The following HPSE2 variants were observed in gnomAD, a reference collection of about 807,000 sequenced individuals.
HPSE2 encodes the protein inactive heparanase-2.
HPSE2 carries 38 observed loss-of-function variants against 60.5 expected under a neutral mutation model. The observed-to-expected ratio is 0.63, with a 90% CI of 0.48 to 0.82. The LOEUF (loss-of-function observed/expected upper bound fraction) is 0.82, where lower values mean the gene tolerates loss of function less well. Among genes scored for constraint, HPSE2 ranks in the 40% least tolerant of loss-of-function variants. The probability of loss-of-function intolerance (pLI) is 0.00; values close to 1 mark genes in which losing one functional copy is unlikely to be tolerated. For missense variants in HPSE2, 713 were observed against 740.4 expected (o/e 0.96, Z 0.43); for synonymous variants, 295 against 293.2 (o/e 1.01, Z -0.06).
chr10:98,679,862 T>G (rs924031609), intron 6 of HPSE2, among the ~76,000 whole-genome samples: 3 of 152,106 alleles, frequency 2.0e-5, no homozygotes, highest in Non-Finnish European at 4.4e-5. Flanking sequence ...GCTAATTTTT[T>G]TTTTATTGTT....
intron 3 of HPSE2, among the ~76,000 whole-genome samples, chr10:99,032,908 C>A (rs971217629): frequency 6.6e-5 from 10 of 152,186 alleles, no homozygotes; most frequent in African/African-American, 2.4e-4. Flanking sequence ...TTTTAAGGAT[C>A]CTTGTGATTA....
chr10:98,486,431 T>C (rs1378286278), intron 10 of HPSE2, among the ~76,000 whole-genome samples: 1 of 152,124 alleles, frequency 6.6e-6, no homozygotes, highest in Admixed American at 6.5e-5. Context: ...GTCTCACTCA[T>C]GGGTGAGATT....
chr10:99,215,669 T>G (rs1351236044), intron 2 of HPSE2, among the ~76,000 whole-genome samples: 1 of 152,224 alleles, frequency 6.6e-6, no homozygotes, highest in Non-Finnish European at 1.5e-5. Context: ...TGTTGTATGA[T>G]TCCCATCATA....
In HPSE2 at chr10:98,818,176, C is replaced by T. The variant is rs116466609; in HGVS notation, c.611-74120G>A. Among the ~76,000 whole-genome samples the T allele has an allele frequency of 2.4e-3, 361 of 152,254 alleles. 1 individual carries two copies. Among genetic ancestry groups the T allele is most frequent in the African/African-American group, 8.0e-3 (334 of 41,528 alleles). Reference sequence around the variant, plus strand: ...TCAATGTTTAGCTGTACATGTATGCCCATCAGAGAACATCAGCACAATGTT... The same window carrying T: ...TCAATGTTTAGCTGTACATGTATGCTCATCAGAGAACATCAGCACAATGTT... On this transcript the variant is annotated intron_variant, in intron 3 of 11. Coordinates refer to ENST00000370552, the MANE Select transcript of HPSE2 (RefSeq NM_021828.5).
intron 5 of HPSE2, among the ~76,000 whole-genome samples, chr10:98,716,685 T>C (rs1388658816): frequency 6.6e-6 from 1 of 152,086 alleles, no homozygotes; most frequent in East Asian, 1.9e-4. Flanking sequence ...GACTCCTTGA[T>C]CTCTAGGCTG....
At chr10:98,745,423 A>G (rs1456663868) in intron 3 of HPSE2, among the ~76,000 whole-genome samples, 1 of 152,096 alleles carries the variant, frequency 6.6e-6, no homozygotes, top group Non-Finnish European at 1.5e-5. Context: ...ATCTTCCCCC[A>G]GTCACTCTCA....
intron 3 of HPSE2, among the ~76,000 whole-genome samples, chr10:98,815,598 A>G (rs1951268195): frequency 6.6e-6 from 1 of 152,200 alleles, no homozygotes; most frequent in African/African-American, 2.4e-5. Flanking sequence ...ATGCAACCTA[A>G]GAGTAAGAAT....
intron 3 of HPSE2, among the ~76,000 whole-genome samples, chr10:98,798,279 G>A (rs1097708): frequency 0.12 from 17,565 of 152,018 alleles, 2,559 homozygotes; most frequent in African/African-American, 0.34. Flanking sequence ...AGACAAACTA[G>A]GGGTGAAGAA....
chr10:99,302,999 A>T, the HPSE2 span, among the ~76,000 whole-genome samples: 1 of 152,032 alleles, frequency 6.6e-6, no homozygotes, highest in Admixed American at 6.6e-5. Context: ...AGGCATTAAA[A>T]GTGTCCAGAT....
intron 2 of HPSE2, among the ~76,000 whole-genome samples, chr10:99,154,903 G>A (rs868662985): frequency 4.6e-5 from 7 of 152,010 alleles, no homozygotes; most frequent in African/African-American, 1.7e-4. Flanking sequence ...AAGGGATGGA[G>A]GAAGATCTAC....
chr10:99,299,952 C>A, the HPSE2 span, among the ~76,000 whole-genome samples: 1 of 151,430 alleles, frequency 6.6e-6, no homozygotes, highest in Non-Finnish European at 1.5e-5. Context: ...AACAATGGGA[C>A]CCCAAACCTC....
chr10:99,191,183 C>T (rs1848207874), intron 2 of HPSE2, among the ~76,000 whole-genome samples: 1 of 152,042 alleles, frequency 6.6e-6, no homozygotes, highest in Non-Finnish European at 1.5e-5. Flanking sequence ...TCTGGACCTA[C>T]CTGGGGCTGG....
chr10:98,719,046 T>C (rs1488893574), intron 5 of HPSE2, among the ~76,000 whole-genome samples: 2 of 152,228 alleles, frequency 1.3e-5, no homozygotes, highest in East Asian at 3.8e-4. Flanking sequence ...GACATTGGTA[T>C]AGTTTCATAA....
chr10:98,730,738 A>C (rs891517459), intron 4 of HPSE2, among the ~76,000 whole-genome samples: 1 of 152,174 alleles, frequency 6.6e-6, no homozygotes, highest in Non-Finnish European at 1.5e-5. Flanking sequence ...AAAATGCAGA[A>C]ATTATTAAAA....
At chr10:98,648,145 C>T (rs1946823707) in intron 6 of HPSE2, among the ~76,000 whole-genome samples, 2 of 152,166 alleles carry the variant, frequency 1.3e-5, no homozygotes, top group Non-Finnish European at 2.9e-5. Flanking sequence ...TTCTTGCTCT[C>T]CTAACTCTTT....
intron 9 of HPSE2, among the ~76,000 whole-genome samples, chr10:98,520,535 G>A (rs549690796): frequency 6.6e-6 from 1 of 152,290 alleles, no homozygotes; most frequent in African/African-American, 2.4e-5. Flanking sequence ...GCTCTCCAAA[G>A]TCCAAACTCA....
intron 3 of HPSE2, among the ~76,000 whole-genome samples, chr10:98,980,804 ATAT>A (rs1956188948): frequency 6.6e-6 from 1 of 152,198 alleles, no homozygotes; most frequent in African/African-American, 2.4e-5. Context: ...ATCAAATCTA[ATAT>A]TATTGCATAG....
intron 2 of HPSE2, 66 bp from the exon 3 acceptor site, chr10:99,144,465 A>G: frequency 2.5e-6 from 4 of 1,575,624 alleles, no homozygotes; most frequent in Non-Finnish European, 3.5e-6. Context: ...ATACATCATC[A>G]AAGTCTTGTT....
intron 3 of HPSE2, among the ~76,000 whole-genome samples, chr10:99,140,463 T>C (rs975347752): frequency 2.0e-5 from 3 of 152,222 alleles, no homozygotes; most frequent in African/African-American, 4.8e-5. Flanking sequence ...TTTTAGAAAT[T>C]TGACCTCATT....
Sources: allele counts gnomAD v4.1 joint callset (sites outside exome capture counted in the v4.1 genomes callset), GRCh38; gene constraint gnomAD v4.1.1; transcripts MANE v1.5; gene names NCBI Gene and HGNC (gene_info 2026-07-23, HGNC 2026-07-21).